PCDH1: variants seen among roughly 807,000 people sequenced by gnomAD.
PCDH1 encodes protocadherin-1.
Under a neutral mutation model 74.6 loss-of-function variants are expected in PCDH1, and 23 were observed. The observed-to-expected ratio is 0.31, with a 90% CI of 0.22 to 0.44. The LOEUF (loss-of-function observed/expected upper bound fraction) is 0.44. Ranked by LOEUF, PCDH1 falls within the 20% of genes least tolerant of loss-of-function variation. The probability of loss-of-function intolerance (pLI) is 1.00; values close to 1 mark genes in which losing one functional copy is unlikely to be tolerated. For synonymous variants in PCDH1, 647 were observed against 686.1 expected, an observed-to-expected ratio of 0.94 and a Z score of 0.89; for missense variants, 1,214 against 1,641.4, an observed-to-expected ratio of 0.74 and a Z score of 4.50.
chr5:141,867,944 G>A (rs1192709923), intron 2 of PCDH1, among the ~76,000 whole-genome samples: 1 of 152,200 alleles, frequency 6.6e-6, no homozygotes, highest in Non-Finnish European at 1.5e-5. Context: ...CTTCAACAGA[G>A]GAAATTGACC....
chr5:141,854,856 G>A (rs1192675120), intron 4 of PCDH1, among the ~76,000 whole-genome samples: 1 of 152,032 alleles, frequency 6.6e-6, no homozygotes, highest in East Asian at 1.9e-4. Flanking sequence ...ATTTTTAGTA[G>A]AGATGGGGTT....
At chr5:141,872,346 G>A (rs528219738) in intron 1 of PCDH1, among the ~76,000 whole-genome samples, 56 of 152,324 alleles carry the variant, frequency 3.7e-4, no homozygotes, top group African/African-American at 1.3e-3. Context: ...GGAAGCCCAC[G>A]GGAATTACCC....
At chr5:141,866,264 C>T in intron 2 of PCDH1, 3 of 984,666 alleles carry the variant, frequency 3.0e-6, no homozygotes, top group Non-Finnish European at 3.6e-6. Context: ...CGGCCTGAGC[C>T]TGCAGCCAGG....
Position 141,878,183 on chromosome 5 carries a change from C to G in PCDH1, c.40+40G>C. Reference sequence around the variant, plus strand: ...TCCCGCCGGCCATGACCGCTTCGGGCCCCAAGCCGCTGCTGCCTCCACCGC... The same window carrying G: ...TCCCGCCGGCCATGACCGCTTCGGGGCCCAAGCCGCTGCTGCCTCCACCGC... On this transcript the variant is annotated intron_variant, in intron 1 of 4. Coordinates refer to ENST00000287008, the MANE Select transcript of PCDH1 (RefSeq NM_032420.5). This position sits in a 1 kb window ranked among gnomAD's most constrained non-coding sequence, Gnocchi z 5.5. 3.5e-6 allele frequency: 5 copies of G among 1,431,116 alleles called. No homozygotes were observed. Among genetic ancestry groups the G allele is most frequent in the Non-Finnish European group, 4.6e-6 (5 of 1,093,836 alleles). The allele number at this position is 1,431,116 out of a possible 1,614,324, so 88.7% of individuals were successfully genotyped here. A position where few individuals can be genotyped will look rare whatever the true frequency, so the allele number is the denominator to read the frequency against.
intron 1 of PCDH1, among the ~76,000 whole-genome samples, chr5:141,870,280 A>T (rs1347090195): frequency 6.6e-6 from 1 of 152,178 alleles, no homozygotes; most frequent in African/African-American, 2.4e-5. Context: ...CAGAGCATGC[A>T]CACATGCCCC....
intron 4 of PCDH1, among the ~76,000 whole-genome samples, chr5:141,857,036 C>A (rs776815328): frequency 5.3e-5 from 8 of 152,230 alleles, no homozygotes; most frequent in Non-Finnish European, 7.3e-5. Flanking sequence ...CCTCTCTAAG[C>A]CTCAGTTTCC....
rs1418635647 is a variant in PCDH1 at position 141,869,790 on chromosome 5, C to T, written c.41-359G>A. On this transcript the variant is annotated intron_variant, in intron 1 of 4. Coordinates refer to ENST00000287008, the MANE Select transcript of PCDH1 (RefSeq NM_032420.5). The surrounding 1 kb of genome is among the most constrained non-coding windows in gnomAD (Gnocchi z 4.9). Reference sequence around the variant, plus strand: ...TCTCTGCTCTGTGCTTCACCCAACACCTCCTTCTCACGAGCATCCTGCCTT... The same window carrying T: ...TCTCTGCTCTGTGCTTCACCCAACATCTCCTTCTCACGAGCATCCTGCCTT... 6 of 985,432 alleles carry T rather than the reference C, an allele frequency of 6.1e-6. No homozygotes were observed. In the East Asian group the frequency reaches 3.4e-4, roughly 56 times the overall value. The allele number at this position is 985,432 out of a possible 1,614,324, so 61.0% of individuals were successfully genotyped here.
rs1051999292 is a variant in PCDH1 at position 141,863,567 on chromosome 5, C to T, written c.2764G>A (p.Val922Met). ...TCATCCTCGTCCTCCACTGGCTTCA[C>T]GGGCTTTGGGGACTTGCTCTTCTTG... ...KGKKSKSPKP[V>M]KPVEDEDEAG... Residue 922 changes from valine to methionine, a missense_variant, in exon 3 of 5, where the codon GTG becomes ATG. Physicochemically the swap from Val to Met is conservative, Grantham distance 21. Transcript: ENST00000287008. The surrounding 1 kb of genome is among the most constrained non-coding windows in gnomAD (Gnocchi z 7.5). 9.3e-6 allele frequency: 15 copies of T among 1,614,170 alleles called. No homozygotes were observed. The highest frequency in any genetic ancestry group is 4.5e-5 in the East Asian group (2 of 44,878).
intron 3 of PCDH1, among the ~76,000 whole-genome samples, chr5:141,862,262 G>T (rs909344138): frequency 6.6e-6 from 1 of 152,196 alleles, no homozygotes; most frequent in African/African-American, 2.4e-5. Flanking sequence ...TCCCTACCAG[G>T]TGCTCCAGTC....
At position 141,865,234 on chromosome 5, in the gene PCDH1, G is replaced by A; in HGVS notation, c.1097C>T (p.Pro366Leu). 6.2e-7 allele frequency: 1 copy of A among 1,614,186 alleles called. No homozygotes were observed. Among genetic ancestry groups the A allele is most frequent in the Non-Finnish European group, 8.5e-7 (1 of 1,180,042 alleles). Residue 366 changes from proline to leucine, a missense_variant, in exon 3 of 5, where the codon CCC becomes CTC. This residue lies in a region of PCDH1 where 836 missense variants were observed against 1,182.2 expected (regional missense o/e 0.71). Coordinates refer to ENST00000287008, the MANE Select transcript of PCDH1 (RefSeq NM_032420.5). The surrounding 1 kb of genome is among the most constrained non-coding windows in gnomAD (Gnocchi z 4.4). ...SVLAKDRGTNPKSARAQVVVT... is the reference protein window; with the variant it reads ...SVLAKDRGTNLKSARAQVVVT... Reference sequence around the variant, plus strand: ...AACCACCTGGGCACGGGCACTCTTGGGGTTGGTGCCTCGGTCCTTAGCAAG... The same window carrying A: ...AACCACCTGGGCACGGGCACTCTTGAGGTTGGTGCCTCGGTCCTTAGCAAG...
chr5:141,854,204 G>A lies in PCDH1; in HGVS notation c.3552C>T (p.Pro1184=), dbSNP rs1046380889. The A allele has an allele frequency of 9.9e-6, 16 of 1,610,106 alleles. No homozygotes were observed. The highest frequency in any genetic ancestry group is 3.3e-5 in the South Asian group (3 of 90,802). ...PPEDRNTKTA[P]VRLLPSYSAF... ...CACTGTAGGAGGGCAGGAGGCGCAC[G>A]GGGGCCGTTTTGGTGTTCCGGTCTT... Residue 1184 remains proline, a synonymous_variant, in exon 5 of 5, where the codon CCC becomes CCT. Coordinates refer to ENST00000287008, the MANE Select transcript of PCDH1 (RefSeq NM_032420.5).
chr5:141,874,599 T>C (rs1753174415), intron 1 of PCDH1, among the ~76,000 whole-genome samples: 2 of 152,310 alleles, frequency 1.3e-5, no homozygotes, highest in South Asian at 4.1e-4. Flanking sequence ...ATACTGTCTG[T>C]GTCAACATCT....
chr5:141,854,561 T>G lies in PCDH1; in HGVS notation c.3320-125A>C, dbSNP rs1752254372. 6.2e-6 allele frequency: 6 copies of G among 974,638 alleles called. No homozygotes were observed. The Admixed American group carries it at 8.6e-5, about 14-fold the overall frequency. The allele number at this position is 974,638 out of a possible 1,614,324, so 60.4% of individuals were successfully genotyped here. Reference sequence around the variant, plus strand: ...GGAGTATGCGCCCCTTCCTGACCGCTGAACTCACAGGCACACACACCCTCA... The same window carrying G: ...GGAGTATGCGCCCCTTCCTGACCGCGGAACTCACAGGCACACACACCCTCA... On this transcript the variant is annotated intron_variant, in intron 4 of 4. Coordinates refer to ENST00000287008, the MANE Select transcript of PCDH1 (RefSeq NM_032420.5).
In PCDH1 at chr5:141,878,258, T is replaced by G; in HGVS notation, c.5A>C (p.Asp2Ala). The G allele has an allele frequency of 7.5e-7, 1 of 1,324,758 alleles. No individual in the cohort carries two copies. Among genetic ancestry groups the G allele is most frequent in the Non-Finnish European group, 9.6e-7 (1 of 1,041,274 alleles). 82.1% of individuals were successfully genotyped at this position (1,324,758 alleles called of 1,614,324 possible). The change falls in exon 1 of 5, where the codon GAC becomes GCC. Residue 2 changes from aspartate (D) to alanine (A), a missense_variant. Asp to Ala is a moderately radical substitution (Grantham distance 126). This residue lies in a region of PCDH1 where 87 missense variants were observed against 87.7 expected (regional missense o/e 0.99). Transcript: ENST00000287008. The surrounding 1 kb of genome is among the most constrained non-coding windows in gnomAD (Gnocchi z 5.5). ...GCAGCGCCGGCCGCCCGCCCCGCTG[T>G]CCATGAGCCGCCGCCGGCCCCGGCC... MDSGAGGRRCPE... is the reference protein window; with the variant it reads MASGAGGRRCPE...
Position 141,854,399 on chromosome 5 carries a change from T to C in PCDH1, c.3357A>G (p.Thr1119=), listed in dbSNP as rs750831931. The C allele has an allele frequency of 3.1e-5, 50 of 1,612,802 alleles. 2 individuals are homozygous for C. The South Asian group carries it at 4.3e-4, about 14-fold the overall frequency. Residue 1119 remains threonine, a synonymous_variant, in exon 5 of 5, where the codon ACA becomes ACG. Transcript: ENST00000287008. The part of the protein sequence containing the change: ...RPLPDVAMTG[T]CTRECSEFGH... ...CAAACTCACTGCACTCCCGGGTACA[T>C]GTGCCTGTCATGGCGACATCAGGCA...
intron 4 of PCDH1, chr5:141,856,300 C>A (rs968997304): frequency 4.9e-6 from 7 of 1,436,930 alleles, no homozygotes; most frequent in South Asian, 4.9e-5. Context: ...GGCATGAGAT[C>A]GCGCATGGAG....
chr5:141,871,807 C>T (rs1596561961), intron 1 of PCDH1, among the ~76,000 whole-genome samples: 1 of 152,098 alleles, frequency 6.6e-6, no homozygotes, highest in Non-Finnish European at 1.5e-5. Context: ...TTATTTTGCT[C>T]TCTAGGCTTA....
chr5:141,863,742 G>A lies in PCDH1; in HGVS notation c.2589C>T (p.Ala863=), dbSNP rs767337309. 9 of 1,614,058 alleles carry A rather than the reference G, an allele frequency of 5.6e-6. No individual in the cohort carries two copies. In the African/African-American group the frequency reaches 9.3e-5, roughly 17 times the overall value. Residue 863 remains alanine, a synonymous_variant, in exon 3 of 5, where the codon GCC becomes GCT. Coordinates refer to ENST00000287008, the MANE Select transcript of PCDH1 (RefSeq NM_032420.5). The surrounding 1 kb of genome is among the most constrained non-coding windows in gnomAD (Gnocchi z 7.5). ...CCGCCAGGGCGATGAGCAAGGCCAC[G>A]GCCACCACACCAGCCACCACACCAA... The part of the protein sequence containing the change: ...ILFGVVAGVV[A]VALLIALAVL...
chr5:141,874,253 G>A (rs1753165587), intron 1 of PCDH1, among the ~76,000 whole-genome samples: 1 of 152,200 alleles, frequency 6.6e-6, no homozygotes, highest in African/African-American at 2.4e-5. Context: ...GGCCTGGAAG[G>A]GCAGGAGCAG....
Sources: gnomAD v4.1 joint callset for allele counts (sites outside exome capture counted in the v4.1 genomes callset) on GRCh38, gnomAD v4.1.1 for gene constraint, gnomAD v4.1.1 regional missense constraint, Gnocchi (gnomAD v3.1) non-coding constraint, MANE v1.5 for transcripts, NCBI Gene and HGNC (gene_info 2026-07-23, HGNC 2026-07-21) for gene names.